Variants in CAMKMT observed in about 807,000 individuals in gnomAD.
CAMKMT encodes CaM KMT.
In CAMKMT, 53 loss-of-function variants were observed where a neutral mutation model predicts 48.0. The ratio of observed to expected loss-of-function variants is 1.10; its 90% CI spans 0.89 to 1.39. The LOEUF is 1.39. Among genes scored for constraint, CAMKMT ranks in the 40% most tolerant of loss-of-function variants. The pLI is 0.00. For missense variants in CAMKMT, 428 were observed against 402.7 expected (o/e 1.06, Z -0.54); for synonymous variants, 165 against 152.3 (o/e 1.08, Z -0.61).
chr2:44,516,100 G>T (rs903220341), intron 3 of CAMKMT, among the ~76,000 whole-genome samples: 6 of 152,126 alleles, frequency 3.9e-5, no homozygotes, highest in Admixed American at 3.9e-4. Flanking sequence ...AATGTACCAG[G>T]GGTGCTGATG....
intron 3 of CAMKMT, among the ~76,000 whole-genome samples, chr2:44,594,055 G>T (rs1176839152): frequency 6.6e-6 from 1 of 151,730 alleles, no homozygotes; most frequent in Non-Finnish European, 1.5e-5. Flanking sequence ...GAGCCACCAT[G>T]CCTGGCAATT....
intron 3 of CAMKMT, among the ~76,000 whole-genome samples, chr2:44,636,957 A>G (rs930620109): frequency 6.6e-6 from 1 of 152,216 alleles, no homozygotes; most frequent in East Asian, 1.9e-4. Flanking sequence ...CAAGCCAAGA[A>G]CATTCTCATT....
At chr2:44,639,311 G>A (rs1483562647) in intron 3 of CAMKMT, among the ~76,000 whole-genome samples, 6 of 152,164 alleles carry the variant, frequency 3.9e-5, no homozygotes, top group Admixed American at 3.9e-4. Flanking sequence ...TTTGCCTGTT[G>A]CACAAACAGC....
chr2:44,421,025 T>C (rs1250191292), intron 3 of CAMKMT, among the ~76,000 whole-genome samples: 1 of 152,154 alleles, frequency 6.6e-6, no homozygotes, highest in Non-Finnish European at 1.5e-5. Flanking sequence ...ATATATTTCC[T>C]TTGAATATTT....
At chr2:44,469,284 TA>T (rs1558639088) in intron 3 of CAMKMT, among the ~76,000 whole-genome samples, 3 of 151,950 alleles carry the variant, frequency 2.0e-5, no homozygotes, top group African/African-American at 4.8e-5. Flanking sequence ...AATAATTTTT[TA>T]AAAATTAGCT....
chr2:44,467,472 T>C (rs1668179880), intron 3 of CAMKMT, among the ~76,000 whole-genome samples: 1 of 151,360 alleles, frequency 6.6e-6, no homozygotes, highest in South Asian at 2.1e-4. Flanking sequence ...GCAGAGGTTG[T>C]AGTGAGCTGT....
chr2:44,482,335 A>G (rs1669014255), intron 3 of CAMKMT, among the ~76,000 whole-genome samples: 1 of 152,188 alleles, frequency 6.6e-6, no homozygotes, highest in African/African-American at 2.4e-5. Flanking sequence ...AATAAACTTA[A>G]TCTTAAACAT....
chr2:44,606,702 A>G lies in CAMKMT; in HGVS notation c.377-97581A>G, dbSNP rs562639890. Among the ~76,000 whole-genome samples, 75 of 152,264 alleles carry G rather than the reference A, an allele frequency of 4.9e-4. 1 individual carries two copies. The highest frequency in any genetic ancestry group is 3.4e-3 in the Middle Eastern group (1 of 294). On this transcript the variant is annotated intron_variant, in intron 3 of 10. Transcript: ENST00000378494. ...GGTGAATCCCCAAACTTAAAAAGTCATCCAATTCAATGTTCTACCCTTTCA... is the reference window on the plus strand; with the variant it reads ...GGTGAATCCCCAAACTTAAAAAGTCGTCCAATTCAATGTTCTACCCTTTCA...
chr2:44,580,590 A>T (rs995600616), intron 3 of CAMKMT, among the ~76,000 whole-genome samples: 1 of 152,222 alleles, frequency 6.6e-6, no homozygotes, highest in African/African-American at 2.4e-5. Flanking sequence ...GGCCACTAAC[A>T]TAGAAAAATT....
chr2:44,728,928 T>A (rs1678939176), intron 7 of CAMKMT, among the ~76,000 whole-genome samples: 1 of 150,234 alleles, frequency 6.7e-6, no homozygotes, highest in Non-Finnish European at 1.5e-5. Context: ...GGGTGGTGGT[T>A]AGAAGGGTGT....
At chr2:44,660,409 G>A (rs1243393217) in intron 3 of CAMKMT, among the ~76,000 whole-genome samples, 2 of 152,232 alleles carry the variant, frequency 1.3e-5, no homozygotes, top group Admixed American at 6.5e-5. Context: ...AACTGCTGCT[G>A]TATAGAAGAT....
intron 3 of CAMKMT, among the ~76,000 whole-genome samples, chr2:44,697,362 G>A (rs941304172): frequency 2.0e-5 from 3 of 152,058 alleles, no homozygotes; most frequent in African/African-American, 7.2e-5. Flanking sequence ...TGATAGTGAA[G>A]ATTAGGCTGT....
chr2:44,421,747 C>T (rs1683949361), intron 3 of CAMKMT, among the ~76,000 whole-genome samples: 2 of 152,128 alleles, frequency 1.3e-5, no homozygotes, highest in Admixed American at 1.3e-4. Flanking sequence ...GTACACGAAT[C>T]AATTATGGTT....
At chr2:44,571,103 T>G (rs1443146038) in intron 3 of CAMKMT, among the ~76,000 whole-genome samples, 2 of 152,206 alleles carry the variant, frequency 1.3e-5, no homozygotes, top group Admixed American at 1.3e-4. Flanking sequence ...ACACAAACCA[T>G]GTTTAATGCA....
At chr2:44,604,394 G>T (rs1173463377) in intron 3 of CAMKMT, among the ~76,000 whole-genome samples, 1 of 152,012 alleles carries the variant, frequency 6.6e-6, no homozygotes, top group African/African-American at 2.4e-5. Flanking sequence ...ATCATACAAG[G>T]TGTGACTAGA....
intron 3 of CAMKMT, among the ~76,000 whole-genome samples, chr2:44,410,060 T>C (rs934868504): frequency 1.3e-5 from 2 of 151,682 alleles, no homozygotes; most frequent in African/African-American, 4.8e-5. Context: ...TTTTAGTATG[T>C]TTTCTTTATG....
At chr2:44,626,181 G>A (rs1672471893) in intron 3 of CAMKMT, among the ~76,000 whole-genome samples, 1 of 152,054 alleles carries the variant, frequency 6.6e-6, no homozygotes, top group African/African-American at 2.4e-5. Context: ...ATTTATTTAG[G>A]TCTTCTTTAA....
intron 3 of CAMKMT, among the ~76,000 whole-genome samples, chr2:44,542,537 A>ACACACT (rs1237950640): frequency 3.0e-3 from 207 of 67,950 alleles, no homozygotes; most frequent in African/African-American, 6.3e-3. Context: ...ACACACACAC[A>ACACACT]CTCTCTCTCT....
intron 3 of CAMKMT, among the ~76,000 whole-genome samples, chr2:44,522,724 G>A (rs73924603): frequency 0.012 from 1,849 of 152,288 alleles, 29 homozygotes; most frequent in African/African-American, 0.042. Context: ...GTCTGGGAAT[G>A]AGAAACAAAT....
Sources: allele counts gnomAD v4.1 joint callset (sites outside exome capture counted in the v4.1 genomes callset), GRCh38; gene constraint gnomAD v4.1.1; transcripts MANE v1.5; gene names NCBI Gene and HGNC (gene_info 2026-07-23, HGNC 2026-07-21).